The following XPO5 variants were observed in gnomAD, a reference collection of about 807,000 sequenced individuals.
XPO5 encodes exportin-5.
Under a neutral mutation model 160.6 loss-of-function variants are expected in XPO5, and 46 were observed. The ratio of observed to expected loss-of-function variants is 0.29; its 90% CI spans 0.23 to 0.37. XPO5 has a LOEUF of 0.37. XPO5 is among the 10% of genes least tolerant of loss of function. The probability of loss-of-function intolerance (pLI) is 1.00; values close to 1 mark genes in which losing one functional copy is unlikely to be tolerated. For missense variants in XPO5, 1,090 were observed against 1,463.9 expected (o/e 0.74, Z 4.17); for synonymous variants, 537 against 519.3 (o/e 1.03, Z -0.46).
chr6:43,541,719 T>G (rs1794700513), intron 20 of XPO5, among the ~76,000 whole-genome samples: 1 of 152,250 alleles, frequency 6.6e-6, no homozygotes, highest in Non-Finnish European at 1.5e-5. Flanking sequence ...TTTTGAAGGT[T>G]GATCCACAGT....
At chr6:43,530,025 C>G (rs902604729) in intron 23 of XPO5, among the ~76,000 whole-genome samples, 19 of 151,984 alleles carry the variant, frequency 1.3e-4, no homozygotes, top group Admixed American at 9.8e-4. Flanking sequence ...GAGGCTGAGG[C>G]AGGCGGATTA....
intron 29 of XPO5, 51 bp downstream of exon 29, chr6:43,525,056 C>T: frequency 1.1e-5 from 18 of 1,576,170 alleles, no homozygotes; most frequent in Non-Finnish European, 1.6e-5. Flanking sequence ...AGTCAGTCTG[C>T]ATGACCCAAA....
At chr6:43,526,075 C>G in intron 27 of XPO5, 154 bp from the exon 28 acceptor site, 1 of 690,610 alleles carries the variant, frequency 1.4e-6, no homozygotes. Context: ...CCACATAATG[C>G]CCATGCCCAT....
intron 7 of XPO5, chr6:43,566,529 C>G: frequency 4.8e-6 from 1 of 207,638 alleles, no homozygotes; most frequent in South Asian, 5.7e-5. Context: ...CAGACATAGG[C>G]TTGGCGCAGT....
chr6:43,530,136 A>T (rs1210800139), intron 23 of XPO5, among the ~76,000 whole-genome samples: 3 of 152,148 alleles, frequency 2.0e-5, no homozygotes, highest in African/African-American at 7.2e-5. Context: ...ATGCGCCTGT[A>T]ATCCCAGCTA....
intron 20 of XPO5, 76 bp from the exon 21 acceptor site, chr6:43,534,083 T>G: frequency 8.7e-7 from 1 of 1,153,054 alleles, no homozygotes; most frequent in South Asian, 1.2e-5. Context: ...TGTAATCCAG[T>G]GATACTACAG....
In XPO5 at chr6:43,525,176, G is replaced by A; in HGVS notation, c.3105C>T (p.Ser1035=). Residue 1035 remains serine, a synonymous_variant, in exon 29 of 32, where the codon TCC becomes TCT. Transcript: ENST00000265351. ...AGGACAGAGTATCTTTCCAGGCCAG[G>A]GAATTGAAGGCTGTAATTAATAGCG... ...CTALLITAFN[S]LAWKDTLSCQ... The A allele has an allele frequency of 6.3e-7, 1 of 1,584,118 alleles. No homozygotes were observed. The highest frequency in any genetic ancestry group is 8.6e-7 in the Non-Finnish European group (1 of 1,164,334).
Position 43,570,655 on chromosome 6 carries a change from G to A in XPO5, c.468C>T (p.Ile156=). The change falls in exon 5 of 32, where the codon ATC becomes ATT. Residue 156 remains isoleucine (I), a synonymous_variant. Coordinates refer to ENST00000265351, the MANE Select transcript of XPO5 (RefSeq NM_020750.3). ...CTACATCCTCTGCCAGTCGCAAAAG[G>A]ATAAACATCACCAATTCTGTCTGTG... ...GETQTELVMF[I]LLRLAEDVVT... 1 of 1,612,438 alleles carries A rather than the reference G, an allele frequency of 6.2e-7. No homozygotes were observed.
In XPO5 at chr6:43,561,024, C is replaced by G; in HGVS notation, c.1012-17G>C. 5 of 1,598,436 alleles carry G rather than the reference C, an allele frequency of 3.1e-6. No homozygotes were observed. The highest frequency in any genetic ancestry group is 3.4e-6 in the Non-Finnish European group (4 of 1,165,938). On this transcript the variant is annotated splice_polypyrimidine_tract_variant and intron_variant, in intron 9 of 31. Transcript: ENST00000265351. ...ATCTGCACCCTGTAGGAGAAGACCA[C>G]TATATTAACGGTGTTGATCGAGAAA...
chr6:43,541,015 A>G (rs776260593), intron 20 of XPO5, among the ~76,000 whole-genome samples: 51 of 152,176 alleles, frequency 3.4e-4, no homozygotes, highest in Non-Finnish European at 4.9e-4. Flanking sequence ...AAGACACATC[A>G]CATGTTCTCA....
intron 5 of XPO5, among the ~76,000 whole-genome samples, chr6:43,569,222 G>A (rs931787023): frequency 6.6e-6 from 1 of 151,024 alleles, no homozygotes; most frequent in Non-Finnish European, 1.5e-5. Context: ...AACCCGGGAG[G>A]CAGAGGTTGC....
At position 43,573,561 on chromosome 6, in the gene XPO5, G is replaced by T; in HGVS notation, c.146C>A (p.Pro49His). Residue 49 changes from proline to histidine, a missense_variant, in exon 2 of 32, where the codon CCC becomes CAC. Transcript: ENST00000265351. ...TTTCTCAGCCAACCTCAAGCCACAG[G>T]GGACACAGATAGGACACTTTTCTTT... ...EFKEKCPICV[P>H]CGLRLAEKTQ... 1 of 1,613,664 alleles carries T rather than the reference G, an allele frequency of 6.2e-7. No individual in the cohort carries two copies. The highest frequency in any genetic ancestry group is 8.5e-7 in the Non-Finnish European group (1 of 1,179,734).
chr6:43,542,723 G>C (rs1375304020), intron 20 of XPO5, among the ~76,000 whole-genome samples: 2 of 152,046 alleles, frequency 1.3e-5, no homozygotes, highest in African/African-American at 4.8e-5. Context: ...ACTGTGCCCA[G>C]CCAAAAAATA....
At chr6:43,544,866 A>ATTATTTAT (rs151137102) in intron 20 of XPO5, among the ~76,000 whole-genome samples, 9 of 151,800 alleles carry the variant, frequency 5.9e-5, no homozygotes, top group African/African-American at 2.2e-4. Context: ...AAAAGAAAAT[A>ATTATTTAT]TTATTTATTT....
chr6:43,562,468 G>A, intron 8 of XPO5, 122 bp from the exon 9 acceptor site: 1 of 758,956 alleles, frequency 1.3e-6, no homozygotes, highest in Middle Eastern at 2.5e-4. Context: ...AATTCCAATA[G>A]CTTTGCTAAA....
chr6:43,526,482 A>G lies in XPO5; in HGVS notation c.2983+203T>C, dbSNP rs539541447. 112 of 600,536 alleles carry G rather than the reference A, an allele frequency of 1.9e-4. No individual in the cohort carries two copies. The Admixed American group carries it at 3.0e-3, about 16-fold the overall frequency. 37.2% of individuals were successfully genotyped at this position (600,536 alleles called of 1,614,324 possible). The stretch of plus-strand genomic sequence containing the variant: ...TCACATATATGGTTGGGAGGAAATC[A>G]TCTGAGACAGAGGAAACAGCAAGTG... On this transcript the variant is annotated intron_variant, in intron 27 of 31. Transcript: ENST00000265351.
At chr6:43,540,554 G>T (rs1024578211) in intron 20 of XPO5, among the ~76,000 whole-genome samples, 5 of 152,252 alleles carry the variant, frequency 3.3e-5, no homozygotes, top group Non-Finnish European at 5.9e-5. Context: ...TCAGGAGGCT[G>T]AGACAGGAGA....
At chr6:43,558,010 G>A (rs954261457) in intron 12 of XPO5, among the ~76,000 whole-genome samples, 6 of 151,604 alleles carry the variant, frequency 4.0e-5, no homozygotes, top group East Asian at 3.9e-4. Flanking sequence ...CAGGAGAATC[G>A]CTTGAACCCA....
chr6:43,527,064 A>C, intron 26 of XPO5: 1 of 276,556 alleles, frequency 3.6e-6, no homozygotes, highest in South Asian at 7.1e-5. Flanking sequence ...GTAAAAATAA[A>C]AAGAAAATTA....
Sources: gnomAD v4.1 joint callset for allele counts (sites outside exome capture counted in the v4.1 genomes callset) on GRCh38, gnomAD v4.1.1 for gene constraint, MANE v1.5 for transcripts, NCBI Gene and HGNC (gene_info 2026-07-23, HGNC 2026-07-21) for gene names.